The following THADA variants were observed in gnomAD, a reference collection of about 807,000 sequenced individuals.
THADA encodes the protein THADA armadillo repeat containing, also known as tRNA (32-2'-O)-methyltransferase regulator THADA.
In THADA, 213 loss-of-function variants were observed where a neutral mutation model predicts 219.8. The ratio of observed to expected loss-of-function variants is 0.97; its 90% CI spans 0.87 to 1.09. The LOEUF (loss-of-function observed/expected upper bound fraction) is 1.09, where lower values mean the gene tolerates loss of function less well. THADA is among the 50% of genes least tolerant of loss of function. The pLI is 0.00. For synonymous variants in THADA, 1,018 were observed against 828.9 expected, an observed-to-expected ratio of 1.23 and a Z score of -3.92; for missense variants, 2,956 against 2,311.3, an observed-to-expected ratio of 1.28 and a Z score of -5.72.
At chr2:43,591,412 T>G (rs944882659) in intron 3 of THADA, among the ~76,000 whole-genome samples, 4 of 152,138 alleles carry the variant, frequency 2.6e-5, no homozygotes, top group African/African-American at 9.7e-5. Context: ...CCTATTTCAC[T>G]ATTTATTAAC....
intron 30 of THADA, among the ~76,000 whole-genome samples, chr2:43,327,066 T>C (rs1679416953): frequency 6.6e-6 from 1 of 151,264 alleles, no homozygotes; most frequent in Non-Finnish European, 1.5e-5. Flanking sequence ...GGGGGAGGGG[T>C]ATATGTGGAG....
intron 26 of THADA, among the ~76,000 whole-genome samples, chr2:43,471,309 T>A (rs1684874810): frequency 6.6e-6 from 1 of 152,148 alleles, no homozygotes; most frequent in Admixed American, 6.5e-5. Context: ...GAGGATCACT[T>A]GAGCCCAGGA....
rs1467789764 is a variant in THADA, at chr2:43,390,236, T to C, written c.4227+7735A>G. Among the ~76,000 whole-genome samples the C allele has an allele frequency of 2.6e-5, 4 of 152,172 alleles. No individual in the cohort carries two copies. In the South Asian group the frequency reaches 8.3e-4, roughly 31 times the overall value. ...AAAAGGGTTTCAGAGTCCCCAGCAG[T>C]CCTGGCATCTATAGTATGACCACCT... On this transcript the variant is annotated intron_variant, in intron 29 of 37. Coordinates refer to ENST00000405975, the MANE Select transcript of THADA (RefSeq NM_022065.5).
Position 43,577,219 on chromosome 2 carries a change from T to C in THADA, c.840A>G (p.Ser280=), listed in dbSNP as rs376580165. 22 of 1,596,744 alleles carry C rather than the reference T, an allele frequency of 1.4e-5. No homozygotes were observed. The highest frequency in any genetic ancestry group is 2.3e-5 in the South Asian group (2 of 87,880). Residue 280 remains serine (S), a synonymous_variant, in exon 10 of 38, where the codon TCA becomes TCG. Coordinates refer to ENST00000405975, the MANE Select transcript of THADA (RefSeq NM_022065.5). ...ACTCGGGGACACTGGTGCAGTCCAC[T>C]GAACGAAGCAGCACACTGCTAATCT... ...PHLISSVLLR[S]VDCTSVPEWF...
At chr2:43,261,012 G>GT (rs72327839) in intron 36 of THADA, among the ~76,000 whole-genome samples, 43 of 151,478 alleles carry the variant, frequency 2.8e-4, no homozygotes, top group African/African-American at 4.4e-4. Context: ...TTTGTAGAGT[G>GT]TTTTTTTTGG....
At chr2:43,503,187 A>G (rs1382259978) in intron 24 of THADA, among the ~76,000 whole-genome samples, 1 of 152,216 alleles carries the variant, frequency 6.6e-6, no homozygotes, top group Non-Finnish European at 1.5e-5. Context: ...TGTGTACCCT[A>G]CAACCCTGCA....
chr2:43,294,751 G>A (rs1446735394), intron 31 of THADA, among the ~76,000 whole-genome samples: 1 of 151,986 alleles, frequency 6.6e-6, no homozygotes, highest in African/African-American at 2.4e-5. Flanking sequence ...AAATGACGAG[G>A]GCCTTAAGTT....
At chr2:43,542,383 A>G (rs1036886082) in intron 20 of THADA, among the ~76,000 whole-genome samples, 1 of 152,252 alleles carries the variant, frequency 6.6e-6, no homozygotes, top group East Asian at 1.9e-4. Context: ...AACTATTACA[A>G]TAGGCTATAA....
At position 43,337,878 on chromosome 2, in the gene THADA, T is replaced by G. The variant is rs73923577; in HGVS notation, c.4343+6244A>C. On this transcript the variant is annotated intron_variant, in intron 30 of 37. Coordinates refer to ENST00000405975, the MANE Select transcript of THADA (RefSeq NM_022065.5). ...AAAATGATGTTTTCAAAGTTTTTTT[T>G]TCTTAATTGAAAAATAGGCAAAAGT... Among the ~76,000 whole-genome samples, 1,370 of 152,306 alleles carry G rather than the reference T, an allele frequency of 9.0e-3. 26 individuals carry two copies. The highest frequency in any genetic ancestry group is 0.032 in the African/African-American group (1,332 of 41,556).
intron 14 of THADA, among the ~76,000 whole-genome samples, chr2:43,569,985 G>C (rs959456118): frequency 6.6e-6 from 1 of 152,136 alleles, no homozygotes; most frequent in African/African-American, 2.4e-5. Flanking sequence ...CTGGACCATG[G>C]GCCAAGAGTC....
intron 36 of THADA, among the ~76,000 whole-genome samples, chr2:43,233,724 A>G (rs1223060537): frequency 6.6e-6 from 1 of 152,052 alleles, no homozygotes; most frequent in South Asian, 2.1e-4. Context: ...GGCCTTAGAC[A>G]ATCCTAAATA....
intron 36 of THADA, among the ~76,000 whole-genome samples, chr2:43,266,577 T>C (rs906455201): frequency 2.6e-5 from 4 of 152,160 alleles, no homozygotes; most frequent in Admixed American, 6.5e-5. Flanking sequence ...CACTCCAGCC[T>C]GGGCGACAAA....
Position 43,279,863 on chromosome 2 carries a change from A to G in THADA, c.5198T>C (p.Val1733Ala), listed in dbSNP as rs1271925462. ...CTCCTCACTCTGCAGAAGGGTAAGG[A>G]CACACTTCCAGAGAGCAAGTGTATC... Reference protein sequence around the residue: ...LQDTLALWKCVLTLLQSEEQA... With the variant: ...LQDTLALWKCALTLLQSEEQA... The change falls in exon 36 of 38, where the codon GTC (valine) becomes GCC (alanine). Residue 1733 changes from valine (V) to alanine (A), a missense_variant. Transcript: ENST00000405975. 1.9e-6 allele frequency: 3 copies of G among 1,567,742 alleles called. No individual in the cohort carries two copies. The highest frequency in any genetic ancestry group is 2.6e-6 in the Non-Finnish European group (3 of 1,158,372).
rs536737347 is a variant in THADA at position 43,595,309 on chromosome 2, C to T, written c.-25+622G>A. On this transcript the variant is annotated intron_variant, in intron 1 of 37. Coordinates refer to ENST00000405975, the MANE Select transcript of THADA (RefSeq NM_022065.5). The stretch of plus-strand genomic sequence containing the variant: ...ACCACTTAACCAAAAATGGACGCAG[C>T]TAGGAAAGTGTCGACAACAGAATAA... Among the ~76,000 whole-genome samples the T allele has an allele frequency of 4.6e-5, 7 of 152,232 alleles. No individual in the cohort carries two copies. In the South Asian group the frequency reaches 1.0e-3, roughly 23 times the overall value.
intron 36 of THADA, among the ~76,000 whole-genome samples, chr2:43,242,826 A>C (rs546200419): frequency 6.6e-6 from 1 of 152,298 alleles, no homozygotes; most frequent in South Asian, 2.1e-4. Flanking sequence ...TAAGCTGCTC[A>C]TAAGTACTGA....
intron 29 of THADA, among the ~76,000 whole-genome samples, chr2:43,383,788 A>G (rs1426022966): frequency 6.6e-6 from 1 of 152,040 alleles, no homozygotes; most frequent in Non-Finnish European, 1.5e-5. Flanking sequence ...GCTTACTAAC[A>G]CTCCACAGCA....
chr2:43,343,994 TA>T, intron 30 of THADA, 127 bp downstream of exon 30: 1 of 657,414 alleles, frequency 1.5e-6, no homozygotes. Context: ...TCTAAAAGGA[TA>T]AATACTCCAA....
At chr2:43,400,877 G>A (rs1311824260) in intron 28 of THADA, among the ~76,000 whole-genome samples, 1 of 152,090 alleles carries the variant, frequency 6.6e-6, no homozygotes, top group African/African-American at 2.4e-5. Context: ...ATTCTGTGCT[G>A]TTTTAAAAAG....
At position 43,351,373 on chromosome 2, in the gene THADA, GC is replaced by G. The variant is rs529219833; in HGVS notation, c.4228-7137del. Among the ~76,000 whole-genome samples, 11 of 152,034 alleles carry G rather than the reference GC, an allele frequency of 7.2e-5. No individual in the cohort carries two copies. In the East Asian group the frequency reaches 2.1e-3, roughly 29 times the overall value. ...GTAACAACTTACAAATGCTTTCCTG[GC>G]CAGGACGTTCCATCATTTGTCTCCC... On this transcript the variant is annotated intron_variant, in intron 29 of 37. Coordinates refer to ENST00000405975, the MANE Select transcript of THADA (RefSeq NM_022065.5).
Sources: gnomAD v4.1 joint callset for allele counts (sites outside exome capture counted in the v4.1 genomes callset) on GRCh38, gnomAD v4.1.1 for gene constraint, MANE v1.5 for transcripts, NCBI Gene and HGNC (gene_info 2026-07-23, HGNC 2026-07-21) for gene names.